SETD1B: variants seen among roughly 807,000 people sequenced by gnomAD.
SETD1B encodes the protein histone-lysine N-methyltransferase SETD1B.
SETD1B carries 7 observed loss-of-function variants against 148.0 expected under a neutral mutation model. The observed-to-expected ratio is 0.05, with a 90% confidence interval of 0.03 to 0.09. SETD1B has a LOEUF of 0.09. SETD1B is among the 10% of genes least tolerant of loss of function. The pLI, the probability that SETD1B is intolerant of heterozygous loss-of-function variation, is 1.00. For missense variants in SETD1B, 2,155 were observed against 2,729.9 expected (o/e 0.79, Z 4.69); for synonymous variants, 1,361 against 1,186.5 (o/e 1.15, Z -3.02).
chr12:121,817,374 C>A lies in SETD1B; in HGVS notation c.2982C>A (p.Ser994=). Reference sequence around the variant, plus strand: ...TGACTCCCTCCCTTCCTGCAGAGTCCGAGCGAGAGCGAGACCGGGATATGG... The same window carrying A: ...TGACTCCCTCCCTTCCTGCAGAGTCAGAGCGAGAGCGAGACCGGGATATGG... The part of the protein sequence containing the change: ...STSVDEEDEE[S]ERERDRDMAD... The change falls in exon 9 of 17, where the codon TCC becomes TCA. Residue 994 remains serine, a synonymous_variant. Transcript: ENST00000604567. The surrounding 1 kb of genome is among the most constrained non-coding windows in gnomAD (Gnocchi z 8.1). The A allele has an allele frequency of 6.6e-7, 1 of 1,524,414 alleles. No individual in the cohort carries two copies. The highest frequency in any genetic ancestry group is 8.8e-7 in the Non-Finnish European group (1 of 1,130,592). The allele number at this position is 1,524,414 out of a possible 1,614,324, so 94.4% of individuals were successfully genotyped here.
chr12:121,804,688 C>T lies in SETD1B; in HGVS notation c.-14-36C>T, dbSNP rs944810562. 12 of 1,533,270 alleles carry T rather than the reference C, an allele frequency of 7.8e-6. No homozygotes were observed. Among genetic ancestry groups the T allele is most frequent in the East Asian group, 7.4e-5 (3 of 40,670 alleles). The allele number at this position is 1,533,270 out of a possible 1,614,324, so 95.0% of individuals were successfully genotyped here. On this transcript the variant is annotated intron_variant, in intron 1 of 16. Transcript: ENST00000604567. This position sits in a 1 kb window ranked among gnomAD's most constrained non-coding sequence, Gnocchi z 4.6. ...TGTGTAGAAGCGGCCGCCGCCGCCG[C>T]CGCGGCGGAGACGACAACAACTTGC...
the SETD1B span, chr12:121,793,332 G>T: frequency 6.9e-7 from 1 of 1,445,004 alleles, no homozygotes; most frequent in South Asian, 1.2e-5. Context: ...ACTCGTCCCG[G>T]ATCAGCCCCC....
At chr12:121,800,819 C>T (rs1206324185), upstream of SETD1B, 2 of 150,898 alleles carry the variant, frequency 1.3e-5, no homozygotes, top group Non-Finnish European at 3.0e-5. Context: ...GTCGCCAGCG[C>T]TGCGCCCCGC....
the SETD1B span, chr12:121,797,321 CCT>C: frequency 5.6e-5 from 23 of 408,554 alleles, no homozygotes; most frequent in East Asian, 2.9e-4. Flanking sequence ...CTGGCGTGGC[CCT>C]CTCTCTGCAA....
chr12:121,805,737 C>A lies in SETD1B; in HGVS notation c.274-98C>A. On this transcript the variant is annotated intron_variant, in intron 3 of 16. Coordinates refer to ENST00000604567, the MANE Select transcript of SETD1B (RefSeq NM_001353345.2). This position sits in a 1 kb window ranked among gnomAD's most constrained non-coding sequence, Gnocchi z 4.2. ...TAGTTTTTTTACCCTTTATTGTTTT[C>A]AACGGGTGGGCGAGTTGCGGGCGGG... 7.0e-6 allele frequency: 8 copies of A among 1,140,304 alleles called. No homozygotes were observed. The highest frequency in any genetic ancestry group is 9.5e-6 in the Non-Finnish European group (8 of 840,616). The allele number at this position is 1,140,304 out of a possible 1,614,324, so 70.6% of individuals were successfully genotyped here. A position where few individuals can be genotyped will look rare whatever the true frequency, so the allele number is the denominator to read the frequency against.
chr12:121,792,021 G>C, the SETD1B span, among the ~76,000 whole-genome samples: 2 of 152,228 alleles, frequency 1.3e-5, no homozygotes, highest in Non-Finnish European at 2.9e-5. Context: ...GCGCTGTTTT[G>C]GGGTTGGCCC....
At chr12:121,797,003 T>C in the SETD1B span, among the ~76,000 whole-genome samples, 1 of 146,578 alleles carries the variant, frequency 6.8e-6, no homozygotes, top group African/African-American at 2.6e-5. Context: ...CACCATTGCC[T>C]GGGCAACAAG....
chr12:121,819,104 C>T (rs1876440724), intron 10 of SETD1B, among the ~76,000 whole-genome samples: 2 of 151,598 alleles, frequency 1.3e-5, no homozygotes, highest in African/African-American at 2.4e-5. Context: ...ATTAGCCGGG[C>T]GTGGTGGTGC....
chr12:121,806,949 G>C (rs888505584), intron 4 of SETD1B, among the ~76,000 whole-genome samples: 1 of 152,176 alleles, frequency 6.6e-6, no homozygotes, highest in Admixed American at 6.5e-5. Context: ...CGAGTGCTTT[G>C]AGGGCCAGCC....
intron 13 of SETD1B, 137 bp from the exon 14 acceptor site, chr12:121,827,382 C>T (rs1057329961): frequency 1.8e-6 from 2 of 1,085,580 alleles, no homozygotes; most frequent in African/African-American, 3.2e-5. Flanking sequence ...GAAGCGGTGA[C>T]AATTAGGGAC....
At position 121,805,355 on chromosome 12, in the gene SETD1B, G is replaced by T. The variant is rs1875679339; in HGVS notation, c.273+139G>T. ...GGAAGTTTTGGCGGGGAGGGGTAGAGCGCTGGCGAGAGGGTGTCCCCTCTC... is the reference window on the plus strand; with the variant it reads ...GGAAGTTTTGGCGGGGAGGGGTAGATCGCTGGCGAGAGGGTGTCCCCTCTC... On this transcript the variant is annotated intron_variant, in intron 3 of 16. Transcript: ENST00000604567. This position sits in a 1 kb window ranked among gnomAD's most constrained non-coding sequence, Gnocchi z 4.2. 1.4e-6 allele frequency: 1 copy of T among 690,072 alleles called. No homozygotes were observed. Among genetic ancestry groups the T allele is most frequent in the South Asian group, 1.8e-5 (1 of 55,774 alleles). 42.7% of individuals were successfully genotyped at this position (690,072 alleles called of 1,614,324 possible). A position where few individuals can be genotyped will look rare whatever the true frequency, so the allele number is the denominator to read the frequency against.
Position 121,817,340 on chromosome 12 carries a change from G to A in SETD1B, c.2978-30G>A, listed in dbSNP as rs1442886341. ...GGTCCCCTTCTTCCGCATCCCCCCA[G>A]CCCAGCTCTGACTCCCTCCCTTCCT... On this transcript the variant is annotated intron_variant, in intron 8 of 16. Transcript: ENST00000604567. This position sits in a 1 kb window ranked among gnomAD's most constrained non-coding sequence, Gnocchi z 8.1. 1 of 1,536,108 alleles carries A rather than the reference G, an allele frequency of 6.5e-7. No homozygotes were observed. The highest frequency in any genetic ancestry group is 8.8e-7 in the Non-Finnish European group (1 of 1,138,032).
At position 121,830,315 on chromosome 12, in the gene SETD1B, C is replaced by T. The variant is rs971657292; in HGVS notation, c.*76C>T. On this transcript the variant is annotated 3_prime_UTR_variant, in exon 17 of 17. Coordinates refer to ENST00000604567, the MANE Select transcript of SETD1B (RefSeq NM_001353345.2). This position sits in a 1 kb window ranked among gnomAD's most constrained non-coding sequence, Gnocchi z 5.7. ...GCGTGGAGCCCCTGGCCCCGGGGCC[C>T]GGCCCCCCGCGCCCGCCCCCATTTC... 13 of 1,399,818 alleles carry T rather than the reference C, an allele frequency of 9.3e-6. No individual in the cohort carries two copies. Among genetic ancestry groups the T allele is most frequent in the African/African-American group, 8.6e-5 (6 of 69,484 alleles). 86.7% of individuals were successfully genotyped at this position (1,399,818 alleles called of 1,614,324 possible).
In SETD1B at chr12:121,814,594, C is replaced by G. The variant is rs1345002029; in HGVS notation, c.2379C>G (p.Pro793=). 4.6e-6 allele frequency: 7 copies of G among 1,533,960 alleles called. No homozygotes were observed. Among genetic ancestry groups the G allele is most frequent in the Non-Finnish European group, 5.3e-6 (6 of 1,136,652 alleles). ...TGATGACGGGCCAGGGCGCCTGCCC[C>G]TACCCGCCCTTCATGGCCGCTGCGG... The part of the protein sequence containing the change: ...SRLMTGQGAC[P]YPPFMAAAAA... Residue 793 remains proline, a synonymous_variant, in exon 7 of 17, where the codon CCC becomes CCG. Coordinates refer to ENST00000604567, the MANE Select transcript of SETD1B (RefSeq NM_001353345.2).
At chr12:121,807,609 C>T (rs892621315) in intron 4 of SETD1B, among the ~76,000 whole-genome samples, 9 of 152,156 alleles carry the variant, frequency 5.9e-5, no homozygotes, top group Admixed American at 5.2e-4. Flanking sequence ...CTATAAATAT[C>T]GATAACCCCT....
rs1274377368 is a variant in SETD1B at position 121,808,509 on chromosome 12, C to T, written c.657+189C>T. Among the ~76,000 whole-genome samples, 1 of 152,208 alleles carries T rather than the reference C, an allele frequency of 6.6e-6. No homozygotes were observed. Among genetic ancestry groups the T allele is most frequent in the Non-Finnish European group, 1.5e-5 (1 of 68,034 alleles). ...ACAATTGGGAGCAGGGCCTAGAGCC[C>T]CATTTTCCCAAGTGCTCCTGCAGTA... is the stretch of plus-strand genomic sequence containing the variant. On this transcript the variant is annotated intron_variant, in intron 5 of 16. Transcript: ENST00000604567. The surrounding 1 kb of genome is among the most constrained non-coding windows in gnomAD (Gnocchi z 5.3).
upstream of SETD1B, chr12:121,803,153 A>AG (rs990115837): frequency 3.3e-5 from 5 of 149,454 alleles, no homozygotes; most frequent in Non-Finnish European, 5.9e-5. The surrounding 1 kb of genome is among the most constrained non-coding windows in gnomAD (Gnocchi z 4.7). Flanking sequence ...GGAGCGGCAG[A>AG]GGGGGCTGCA....
At chr12:121,813,993 G>A (rs996934325) in intron 6 of SETD1B, 113 bp from the exon 7 acceptor site, 1 of 830,498 alleles carries the variant, frequency 1.2e-6, no homozygotes, top group Non-Finnish European at 1.9e-6. Context: ...TGAATGGCTT[G>A]CACTGGGTCA....
Sources: gnomAD v4.1 joint callset for allele counts (sites outside exome capture counted in the v4.1 genomes callset) on GRCh38, gnomAD v4.1.1 for gene constraint, Gnocchi (gnomAD v3.1) non-coding constraint, MANE v1.5 for transcripts, NCBI Gene and HGNC (gene_info 2026-07-23, HGNC 2026-07-21) for gene names.